MSRA: variants seen among roughly 807,000 people sequenced by gnomAD.
The protein encoded by MSRA is methionine sulfoxide reductase A.
In MSRA, 54 loss-of-function variants were observed where a neutral mutation model predicts 31.3. The ratio of observed to expected loss-of-function variants is 1.73; its 90% CI spans 1.39 to 2.17. MSRA has a LOEUF of 2.17. MSRA is among the 30% of genes most tolerant of loss of function. The pLI is 0.00. For synonymous variants in MSRA, 169 were observed against 116.5 expected, an observed-to-expected ratio of 1.45 and a Z score of -2.90; for missense variants, 507 against 300.9, an observed-to-expected ratio of 1.69 and a Z score of -5.07.
chr8:10,075,293 G>A (rs2128920376), intron 1 of MSRA, among the ~76,000 whole-genome samples: 1 of 152,264 alleles, frequency 6.6e-6, no homozygotes, highest in East Asian at 1.9e-4. Flanking sequence ...TATCGTATTT[G>A]GAAGTTGTGT....
At chr8:10,428,041 C>T (rs1474247729) in intron 5 of MSRA, 107 bp from the exon 6 acceptor site, 3 of 1,271,680 alleles carry the variant, frequency 2.4e-6, no homozygotes, top group African/African-American at 1.5e-5. Context: ...CACTGCACAT[C>T]CCAAGCCACG....
rs112633484 is a variant in MSRA, at chr8:10,158,449, A to G, written c.143-49384A>G. Among the ~76,000 whole-genome samples, 253 of 152,328 alleles carry G rather than the reference A, an allele frequency of 1.7e-3. 1 individual carries two copies. The highest frequency in any genetic ancestry group is 5.8e-3 in the African/African-American group (241 of 41,582). Reference sequence around the variant, plus strand: ...GTCTATAGATTTGTCAATTTTGGATACTTTACATAGGTGGAATCAGATAAT... The same window carrying G: ...GTCTATAGATTTGTCAATTTTGGATGCTTTACATAGGTGGAATCAGATAAT... On this transcript the variant is annotated intron_variant, in intron 1 of 5. Transcript: ENST00000317173.
chr8:10,122,237 G>A (rs964129510), intron 1 of MSRA, among the ~76,000 whole-genome samples: 1 of 152,164 alleles, frequency 6.6e-6, no homozygotes, highest in African/African-American at 2.4e-5. Flanking sequence ...GCTGAGGTGG[G>A]TTCCTGAAAC....
chr8:10,328,965 G>T (rs956894734), intron 5 of MSRA, among the ~76,000 whole-genome samples: 1 of 152,158 alleles, frequency 6.6e-6, no homozygotes, highest in Non-Finnish European at 1.5e-5. Context: ...AGGCTATGCT[G>T]TATATTAAAA....
chr8:10,177,398 A>G (rs1414988450), intron 1 of MSRA, among the ~76,000 whole-genome samples: 1 of 152,230 alleles, frequency 6.6e-6, no homozygotes, highest in Non-Finnish European at 1.5e-5. Flanking sequence ...ATGGTATGGC[A>G]TCCTAGAGTC....
At chr8:10,343,054 GACACAC>G (rs1202875145) in intron 5 of MSRA, among the ~76,000 whole-genome samples, 3 of 70,654 alleles carry the variant, frequency 4.2e-5, no homozygotes, top group African/African-American at 6.4e-5. Flanking sequence ...CACACACACA[GACACAC>G]ACACACACAC....
chr8:10,067,906 G>A (rs1461854596), intron 1 of MSRA, among the ~76,000 whole-genome samples: 1 of 90,934 alleles, frequency 1.1e-5, no homozygotes, highest in Admixed American at 1.8e-4. Context: ...TTTTTTTGGA[G>A]ACAGTCTTAC....
intron 3 of MSRA, among the ~76,000 whole-genome samples, chr8:10,260,896 T>A (rs1206423201): frequency 6.6e-6 from 1 of 152,200 alleles, no homozygotes; most frequent in African/African-American, 2.4e-5. Flanking sequence ...ATTTGGATAT[T>A]TGATAGATAT....
At chr8:10,160,916 A>G (rs1401729756) in intron 1 of MSRA, among the ~76,000 whole-genome samples, 1 of 152,232 alleles carries the variant, frequency 6.6e-6, no homozygotes, top group Admixed American at 6.5e-5. Flanking sequence ...TCTAGAATAA[A>G]TGCAAGTAAT....
intron 2 of MSRA, among the ~76,000 whole-genome samples, chr8:10,237,731 C>T (rs1812068854): frequency 6.6e-6 from 1 of 152,134 alleles, no homozygotes; most frequent in Non-Finnish European, 1.5e-5. Context: ...CAGCCATAAC[C>T]CTCTCTTTCT....
chr8:10,391,445 GGTGA>G (rs571328807), intron 5 of MSRA, among the ~76,000 whole-genome samples: 99 of 152,276 alleles, frequency 6.5e-4, no homozygotes, highest in African/African-American at 2.2e-3. Flanking sequence ...AGCAAGCTGT[GGTGA>G]GTATCTGTGG....
chr8:10,175,608 T>C (rs1431657147), intron 1 of MSRA, among the ~76,000 whole-genome samples: 1 of 152,250 alleles, frequency 6.6e-6, no homozygotes, highest in African/African-American at 2.4e-5. Flanking sequence ...TAATGTCTCA[T>C]TGACATTTAT....
At chr8:10,180,070 G>T (rs1354972614) in intron 1 of MSRA, among the ~76,000 whole-genome samples, 1 of 152,056 alleles carries the variant, frequency 6.6e-6, no homozygotes. Flanking sequence ...ACAGCTTAAG[G>T]GACTCAGTCC....
chr8:10,380,144 C>G (rs180836568), intron 5 of MSRA, among the ~76,000 whole-genome samples: 1 of 152,334 alleles, frequency 6.6e-6, no homozygotes, highest in East Asian at 1.9e-4. Context: ...CCCAGGCATA[C>G]CTGAATGGGC....
intron 1 of MSRA, among the ~76,000 whole-genome samples, chr8:10,157,794 C>T (rs1004660546): frequency 3.3e-5 from 5 of 152,062 alleles, no homozygotes; most frequent in Admixed American, 3.3e-4. Flanking sequence ...CTTTCTCTCT[C>T]TCCCCATCTC....
chr8:10,081,435 C>T (rs558456248), intron 1 of MSRA, among the ~76,000 whole-genome samples: 19 of 152,230 alleles, frequency 1.2e-4, no homozygotes, highest in African/African-American at 2.6e-4. Flanking sequence ...TGATTACTTC[C>T]GCCTCAAGGT....
intron 5 of MSRA, among the ~76,000 whole-genome samples, chr8:10,369,543 C>G (rs1805363078): frequency 6.6e-6 from 1 of 152,096 alleles, no homozygotes; most frequent in African/African-American, 2.4e-5. Flanking sequence ...TGTCTTTTGA[C>G]TTGTGGTGCT....
intron 1 of MSRA, among the ~76,000 whole-genome samples, chr8:10,074,437 A>C (rs1254934813): frequency 6.6e-6 from 1 of 152,054 alleles, no homozygotes; most frequent in Non-Finnish European, 1.5e-5. Context: ...TTTCACTGAA[A>C]AGAGTGGGAT....
intron 3 of MSRA, among the ~76,000 whole-genome samples, chr8:10,254,558 C>T (rs577727860): frequency 6.6e-6 from 1 of 152,284 alleles, no homozygotes; most frequent in South Asian, 2.1e-4. Flanking sequence ...CTCATTCTAC[C>T]TACTAATCTC....
Sources: gnomAD v4.1 joint callset for allele counts (sites outside exome capture counted in the v4.1 genomes callset) on GRCh38, gnomAD v4.1.1 for gene constraint, MANE v1.5 for transcripts, NCBI Gene and HGNC (gene_info 2026-07-23, HGNC 2026-07-21) for gene names.